The following DDR2 variants were observed in gnomAD, a reference collection of about 807,000 sequenced individuals.
DDR2 encodes discoidin domain-containing receptor 2.
Under a neutral mutation model 94.9 loss-of-function variants are expected in DDR2, and 27 were observed. That is an observed-to-expected ratio of 0.28 (90% CI 0.21 to 0.39). The LOEUF is 0.39. Ranked by LOEUF, DDR2 falls within the 10% of genes least tolerant of loss-of-function variation. The pLI, the probability that DDR2 is intolerant of heterozygous loss-of-function variation, is 1.00. For missense variants in DDR2, 783 were observed against 1,076.0 expected (o/e 0.73, Z 3.81); for synonymous variants, 382 against 377.2 (o/e 1.01, Z -0.15).
chr1:162,667,474 A>T (rs1460290572), intron 2 of DDR2, among the ~76,000 whole-genome samples: 4 of 152,198 alleles, frequency 2.6e-5, no homozygotes, highest in Non-Finnish European at 4.4e-5. Flanking sequence ...GTCAACAGGA[A>T]ACCTTTACAA....
rs1319213158 is a variant in DDR2, at chr1:162,776,343, C to T, written c.2256C>T (p.Arg752=). 3 of 1,613,958 alleles carry T rather than the reference C, an allele frequency of 1.9e-6. No individual in the cohort carries two copies. The East Asian group carries it at 6.7e-5, about 36-fold the overall frequency. Residue 752 remains arginine, a synonymous_variant, in exon 16 of 18, where the codon CGC becomes CGT. Coordinates refer to ENST00000367921, the MANE Select transcript of DDR2 (RefSeq NM_006182.4). ...AGGGCCGGGCAGTGCTCCCTATCCG[C>T]TGGATGTCTTGGGAGAGTATCTTGC... ...RIQGRAVLPI[R]WMSWESILLG... is the part of the protein sequence containing the mutation.
intron 3 of DDR2, among the ~76,000 whole-genome samples, chr1:162,727,265 TATAA>T (rs1661724970): frequency 1.8e-5 from 1 of 55,374 alleles, no homozygotes; most frequent in Non-Finnish European, 5.4e-5. Flanking sequence ...ATTTTGTAAA[TATAA>T]ATATAAATAT....
chr1:162,631,654 G>A (rs549125424), upstream of DDR2, among the ~76,000 whole-genome samples: 6 of 152,212 alleles, frequency 3.9e-5, no homozygotes, highest in Non-Finnish European at 5.9e-5. Context: ...ATTAGTTATC[G>A]TTTGGAGAGT....
At chr1:162,704,344 C>G (rs1288686832) in intron 2 of DDR2, among the ~76,000 whole-genome samples, 6 of 152,194 alleles carry the variant, frequency 3.9e-5, no homozygotes, top group African/African-American at 1.4e-4. Context: ...AAAGCCACTT[C>G]TGCAGGAAGA....
chr1:162,768,036 C>T (rs1664088261), intron 11 of DDR2, among the ~76,000 whole-genome samples: 1 of 152,076 alleles, frequency 6.6e-6, no homozygotes, highest in Admixed American at 6.5e-5. Context: ...TTTATATACA[C>T]CTCATTGAGT....
rs1348881702 is a variant in DDR2, at chr1:162,758,175, TA to T, written c.672-1613del. Among the ~76,000 whole-genome samples the T allele has an allele frequency of 2.6e-5, 4 of 151,816 alleles. No individual in the cohort carries two copies. In the South Asian group the frequency reaches 6.3e-4, roughly 24 times the overall value. On this transcript the variant is annotated intron_variant, in intron 7 of 17. Transcript: ENST00000367921. The stretch of plus-strand genomic sequence containing the variant: ...ATGGCTCTTAACTCCAGGGGAAAGA[TA>T]AAAAAAATTACAAAAATGTAGACAT...
intron 2 of DDR2, among the ~76,000 whole-genome samples, chr1:162,656,832 A>ATTTT (rs1657989085): frequency 5.4e-5 from 1 of 18,394 alleles, no homozygotes; most frequent in African/African-American, 1.0e-4. Context: ...CTGCCACTGG[A>ATTTT]GTTTTTTTTT....
At position 162,670,299 on chromosome 1, in the gene DDR2, C is replaced by T. The variant is rs183883009; in HGVS notation, c.-28+14925C>T. The stretch of plus-strand genomic sequence containing the variant: ...CTAATTTTTGTATTTTTAGTAGAGA[C>T]GCTTCACCATGTTGGCCAGGCTGGT... On this transcript the variant is annotated intron_variant, in intron 2 of 17. Transcript: ENST00000367921. 1.2e-3 allele frequency among the ~76,000 whole-genome samples: 188 copies of T among 152,224 alleles called. 1 individual carries two copies. Among genetic ancestry groups the T allele is most frequent in the African/African-American group, 1.8e-3 (74 of 41,564 alleles).
rs547115008 is a variant in DDR2, at chr1:162,682,192, C to G, written c.-28+26818C>G. 1.2e-3 allele frequency among the ~76,000 whole-genome samples: 183 copies of G among 152,242 alleles called. 1 individual carries two copies. Among genetic ancestry groups the G allele is most frequent in the African/African-American group, 4.0e-3 (168 of 41,566 alleles). ...TTTATCTTGGTGGGCCTCACTGGAG[C>G]TGGACACTGCTGCTCTGTTTGCCCA... On this transcript the variant is annotated intron_variant, in intron 2 of 17. Transcript: ENST00000367921.
intron 3 of DDR2, among the ~76,000 whole-genome samples, chr1:162,735,308 G>T (rs1041081191): frequency 2.0e-5 from 3 of 152,162 alleles, no homozygotes; most frequent in African/African-American, 7.2e-5. Flanking sequence ...TCGAGGAAGA[G>T]GGGAGCGCTG....
At chr1:162,678,321 C>A (rs141263194) in intron 2 of DDR2, among the ~76,000 whole-genome samples, 1 of 152,070 alleles carries the variant, frequency 6.6e-6, no homozygotes, top group Non-Finnish European at 1.5e-5. Context: ...ATAAAGTTAC[C>A]GTGAAGATTA....
intron 3 of DDR2, among the ~76,000 whole-genome samples, chr1:162,752,509 G>T (rs923337947): frequency 6.6e-6 from 1 of 152,154 alleles, no homozygotes; most frequent in African/African-American, 2.4e-5. Context: ...AGCAAATCTG[G>T]TCTCTGTTAC....
At chr1:162,747,185 G>A (rs542509669) in intron 3 of DDR2, among the ~76,000 whole-genome samples, 8 of 152,218 alleles carry the variant, frequency 5.3e-5, no homozygotes, top group Admixed American at 1.3e-4. Context: ...GATGACAGAA[G>A]TAGGCTTAAA....
chr1:162,742,058 G>T (rs1469377463), intron 3 of DDR2, among the ~76,000 whole-genome samples: 2 of 152,166 alleles, frequency 1.3e-5, no homozygotes, highest in Non-Finnish European at 2.9e-5. Flanking sequence ...TCAGAAAGTG[G>T]AATTTGAGAA....
intron 2 of DDR2, among the ~76,000 whole-genome samples, chr1:162,684,727 A>T (rs972033843): frequency 6.6e-6 from 1 of 151,832 alleles, no homozygotes; most frequent in African/African-American, 2.4e-5. Context: ...CCCAAAGAGG[A>T]TTATATGTAA....
At chr1:162,704,328 G>A (rs1660559713) in intron 2 of DDR2, among the ~76,000 whole-genome samples, 1 of 152,076 alleles carries the variant, frequency 6.6e-6, no homozygotes, top group South Asian at 2.1e-4. Context: ...GTTGTAAAGG[G>A]GCAGCAAAGC....
At chr1:162,678,951 A>G (rs12145465) in intron 2 of DDR2, among the ~76,000 whole-genome samples, 7,444 of 152,240 alleles carry the variant, frequency 0.049, 229 homozygotes, top group South Asian at 0.085. Context: ...ACAGATAAGC[A>G]TCATATTTTT....
intron 3 of DDR2, among the ~76,000 whole-genome samples, chr1:162,731,657 T>C (rs578209121): frequency 3.9e-5 from 6 of 152,252 alleles, no homozygotes; most frequent in East Asian, 1.9e-4. Flanking sequence ...TAAGGAAGAG[T>C]GAATGTACTA....
rs1465658171 is a variant in DDR2 at position 162,782,005 on chromosome 1, A to G, written c.*1759A>G. ...GCATAAGCATAGATCCCAAGTCCAC[A>G]GGCTCCATTTTGCAGGTCATCTTCT... On this transcript the variant is annotated 3_prime_UTR_variant, in exon 18 of 18. Coordinates refer to ENST00000367921, the MANE Select transcript of DDR2 (RefSeq NM_006182.4). The G allele has an allele frequency of 1.3e-5, 2 of 152,232 alleles. No individual in the cohort carries two copies. Among genetic ancestry groups the G allele is most frequent in the Non-Finnish European group, 2.9e-5 (2 of 68,056 alleles). The allele number at this position is 152,232 out of a possible 1,614,324, so 9.4% of individuals were successfully genotyped here.
Sources: allele counts gnomAD v4.1 joint callset (sites outside exome capture counted in the v4.1 genomes callset), GRCh38; gene constraint gnomAD v4.1.1; transcripts MANE v1.5; gene names NCBI Gene and HGNC (gene_info 2026-07-23, HGNC 2026-07-21).